Variants in EEIG2 observed in about 807,000 individuals in gnomAD.
The protein encoded by EEIG2 is family with sequence similarity 102 member B.
At chr1:108,579,768 T>TGAGAGAGAGAGAGAGAGAGAGA in the EEIG2 span, among the ~76,000 whole-genome samples, 49 of 14,344 alleles carry the variant, frequency 3.4e-3, no homozygotes, top group Admixed American at 5.7e-3. Flanking sequence ...TGTGTGTGTG[T>TGAGAGAGAGAGAGAGAGAGAGA]GTGTGAGAGA....
the EEIG2 span, among the ~76,000 whole-genome samples, chr1:108,596,616 C>CT: frequency 3.3e-5 from 5 of 151,960 alleles, no homozygotes; most frequent in Admixed American, 2.6e-4. Flanking sequence ...TCCCTGTATG[C>CT]TTTTTTTAAA....
chr1:108,628,765 T>C, the EEIG2 span: 1 of 1,613,242 alleles, frequency 6.2e-7, no homozygotes, highest in Non-Finnish European at 8.5e-7. Context: ...AGAGAAAATA[T>C]TACAAAGTCA....
At chr1:108,619,476 T>C in the EEIG2 span, among the ~76,000 whole-genome samples, 14 of 152,248 alleles carry the variant, frequency 9.2e-5, no homozygotes, top group Admixed American at 9.2e-4. Context: ...TTTATCAAGT[T>C]ATATTTAAAT....
At chr1:108,583,448 CTTT>C in the EEIG2 span, among the ~76,000 whole-genome samples, 1 of 143,702 alleles carries the variant, frequency 7.0e-6, no homozygotes. Context: ...AACCCTCCTG[CTTT>C]TTTTTTTTTT....
At chr1:108,590,039 T>C in the EEIG2 span, among the ~76,000 whole-genome samples, 5 of 152,066 alleles carry the variant, frequency 3.3e-5, no homozygotes, top group Admixed American at 3.3e-4. Flanking sequence ...CATTTCCAAA[T>C]AGGGAACCCA....
chr1:108,614,205 T>TAAA, the EEIG2 span, among the ~76,000 whole-genome samples: 5,955 of 101,160 alleles, frequency 0.059, 316 homozygotes, highest in Admixed American at 0.11. Context: ...ACCCCATCTC[T>TAAA]AAAAAAAAAA....
the EEIG2 span, among the ~76,000 whole-genome samples, chr1:108,623,106 T>C: frequency 7.2e-5 from 11 of 151,874 alleles, no homozygotes; most frequent in Non-Finnish European, 1.6e-4. Context: ...GGATGTTTTC[T>C]AATAAAAATC....
At chr1:108,603,863 G>A in the EEIG2 span, among the ~76,000 whole-genome samples, 1 of 152,168 alleles carries the variant, frequency 6.6e-6, no homozygotes. Context: ...TCAACAGATG[G>A]ATTTAACAGC....
At chr1:108,582,482 TATTAA>T in the EEIG2 span, among the ~76,000 whole-genome samples, 4 of 152,232 alleles carry the variant, frequency 2.6e-5, no homozygotes, top group Non-Finnish European at 4.4e-5. Context: ...CTATAATTTT[TATTAA>T]ATTCAGTTTT....
the EEIG2 span, chr1:108,637,237 G>T: frequency 6.6e-6 from 1 of 152,104 alleles, no homozygotes; most frequent in Non-Finnish European, 1.5e-5. Flanking sequence ...TTATGTAGTA[G>T]TAAATATAAC....
the EEIG2 span, among the ~76,000 whole-genome samples, chr1:108,565,925 A>G: frequency 2.0e-5 from 3 of 152,224 alleles, no homozygotes; most frequent in South Asian, 2.1e-4. Flanking sequence ...AAAATTGCCC[A>G]TAAATGAACC....
At chr1:108,561,495 A>G in the EEIG2 span, among the ~76,000 whole-genome samples, 1 of 152,190 alleles carries the variant, frequency 6.6e-6, no homozygotes, top group Non-Finnish European at 1.5e-5. Context: ...CTGCCCTAAA[A>G]ATATTCTACT....
chr1:108,583,908 G>T, the EEIG2 span, among the ~76,000 whole-genome samples: 1 of 152,132 alleles, frequency 6.6e-6, no homozygotes, highest in Non-Finnish European at 1.5e-5. Flanking sequence ...TATCACAGAA[G>T]CTAACTATGG....
chr1:108,588,500 C>T, the EEIG2 span, among the ~76,000 whole-genome samples: 2 of 152,002 alleles, frequency 1.3e-5, no homozygotes. Flanking sequence ...ATTTGTATGT[C>T]TTCTTTTTTT....
the EEIG2 span, chr1:108,636,791 G>C: frequency 9.7e-5 from 11 of 113,022 alleles, no homozygotes; most frequent in African/African-American, 5.5e-4. Flanking sequence ...CTTGCATTAT[G>C]TCTTCATGTG....
At chr1:108,593,996 T>A in the EEIG2 span, among the ~76,000 whole-genome samples, 1 of 151,974 alleles carries the variant, frequency 6.6e-6, no homozygotes, top group Admixed American at 6.6e-5. Context: ...TTTGTAGAGA[T>A]GAGGTTTCAC....
chr1:108,567,041 T>A, the EEIG2 span, among the ~76,000 whole-genome samples: 1 of 152,200 alleles, frequency 6.6e-6, no homozygotes, highest in African/African-American at 2.4e-5. Context: ...TTGATGGCTA[T>A]GTTAATTGGC....
At chr1:108,610,399 G>A in the EEIG2 span, among the ~76,000 whole-genome samples, 1 of 152,154 alleles carries the variant, frequency 6.6e-6, no homozygotes, top group Non-Finnish European at 1.5e-5. Context: ...GCTTATGGAA[G>A]TTAAGTGCTC....
the EEIG2 span, among the ~76,000 whole-genome samples, chr1:108,609,078 T>C: frequency 6.6e-6 from 1 of 152,224 alleles, no homozygotes; most frequent in African/African-American, 2.4e-5. Flanking sequence ...CATATGAATT[T>C]TGGGGGGACA....
Sources: gnomAD v4.1 joint callset for allele counts (sites outside exome capture counted in the v4.1 genomes callset) on GRCh38, gnomAD v4.1.1 for gene constraint, MANE v1.5 for transcripts, NCBI Gene and HGNC (gene_info 2026-07-23, HGNC 2026-07-21) for gene names.